Variants in ADGB observed in about 807,000 individuals in gnomAD.
The protein encoded by ADGB is calpain-7-like protein.
In ADGB, 172 loss-of-function variants were observed where a neutral mutation model predicts 210.5. The observed-to-expected ratio is 0.82, with a 90% confidence interval of 0.72 to 0.93. The LOEUF is 0.93. Ranked by LOEUF, ADGB falls within the 40% of genes least tolerant of loss-of-function variation. The pLI, the probability that ADGB is intolerant of heterozygous loss-of-function variation, is 0.00. For missense variants in ADGB, 2,025 were observed against 1,964.8 expected, an observed-to-expected ratio of 1.03 and a Z score of -0.58; for synonymous variants, 658 against 662.7, an observed-to-expected ratio of 0.99 and a Z score of 0.11.
rs1459660430 is a variant in ADGB, at chr6:146,784,630, C to A, written c.4048C>A (p.His1350Asn). ...PRFEPQISTV[H>N]PQQEDPNKPY... ...TTTATTTTATCAGATATCCACTGTT[C>A]ACCCTCAACAAGAAGACCCAAATAA... Residue 1350 changes from histidine to asparagine, a missense_variant, in exon 31 of 36, where the codon CAC becomes AAC. Transcript: ENST00000397944. 6.5e-6 allele frequency: 10 copies of A among 1,545,684 alleles called. No individual in the cohort carries two copies. Among genetic ancestry groups the A allele is most frequent in the African/African-American group, 5.5e-5 (4 of 72,734 alleles).
intron 1 of ADGB, among the ~76,000 whole-genome samples, chr6:146,614,211 T>TCCTTCCTC (rs1310592006): frequency 5.6e-5 from 2 of 35,936 alleles, no homozygotes; most frequent in African/African-American, 1.0e-4. Flanking sequence ...CTTCCTCCCT[T>TCCTTCCTC]CCTTCCTCCC....
At chr6:146,612,890 C>T (rs1455836013) in intron 1 of ADGB, among the ~76,000 whole-genome samples, 5 of 152,170 alleles carry the variant, frequency 3.3e-5, no homozygotes, top group Non-Finnish European at 7.4e-5. Flanking sequence ...CATTATTCCA[C>T]TTTTCTACTT....
chr6:146,745,635 A>G (rs1252630957), intron 25 of ADGB, among the ~76,000 whole-genome samples: 1 of 152,224 alleles, frequency 6.6e-6, no homozygotes, highest in African/African-American at 2.4e-5. Context: ...CATTAGAAGA[A>G]TTAGAAGAGG....
intron 33 of ADGB, among the ~76,000 whole-genome samples, chr6:146,789,251 C>T (rs1777921785): frequency 6.6e-6 from 1 of 152,174 alleles, no homozygotes; most frequent in Non-Finnish European, 1.5e-5. Context: ...CATGGAAGCA[C>T]TGCTTCTCTC....
In ADGB at chr6:146,691,171, C is replaced by G. The variant is rs1562275323; in HGVS notation, c.1367C>G (p.Pro456Arg). The G allele has an allele frequency of 6.5e-7, 1 of 1,549,734 alleles. No homozygotes were observed. The highest frequency in any genetic ancestry group is 2.5e-5 in the East Asian group (1 of 40,792). ...EYGLSHICSH[P>R]VLVTRSRSCP... is the part of the protein sequence containing the mutation. ...GGGCTTTCCCACATCTGTAGCCATCCTGTGCTGGTGACTAGAAGTAGGTCT... is the reference window on the plus strand; with the variant it reads ...GGGCTTTCCCACATCTGTAGCCATCGTGTGCTGGTGACTAGAAGTAGGTCT... The change falls in exon 11 of 36, where the codon CCT becomes CGT. Residue 456 changes from proline (P) to arginine (R), a missense_variant. By Grantham distance (103) the Pro-to-Arg change is moderately radical. Transcript: ENST00000397944.
chr6:146,728,512 T>C (rs1020765383), intron 19 of ADGB, 62 bp from the exon 20 acceptor site: 1 of 1,406,782 alleles, frequency 7.1e-7, no homozygotes, highest in Admixed American at 2.3e-5. Context: ...AGATATTAAT[T>C]TGTATAAACT....
chr6:146,690,972 C>A, intron 10 of ADGB, 144 bp from the exon 11 acceptor site: 1 of 488,006 alleles, frequency 2.0e-6, no homozygotes, highest in South Asian at 7.6e-5. Context: ...GATAATAATG[C>A]TTATATTAAG....
intron 13 of ADGB, among the ~76,000 whole-genome samples, chr6:146,710,303 T>C (rs1179003929): frequency 6.6e-6 from 1 of 152,012 alleles, no homozygotes; most frequent in Non-Finnish European, 1.5e-5. Context: ...TTGTGTATGA[T>C]ATAAAATGAT....
rs1181161752 is a variant in ADGB at position 146,772,730 on chromosome 6, T to G, written c.3862+3599T>G. Reference sequence around the variant, plus strand: ...GTATATTTTCTGTGATAACTAGAAATTTGGTTTCAGTACTTATATGTTGAG... The same window carrying G: ...GTATATTTTCTGTGATAACTAGAAAGTTGGTTTCAGTACTTATATGTTGAG... On this transcript the variant is annotated intron_variant, in intron 29 of 35. Coordinates refer to ENST00000397944, the MANE Select transcript of ADGB (RefSeq NM_024694.4). Among the ~76,000 whole-genome samples the G allele has an allele frequency of 4.0e-5, 6 of 151,062 alleles. No individual in the cohort carries two copies. In the East Asian group the frequency reaches 9.7e-4, roughly 24 times the overall value.
chr6:146,775,024 C>T (rs1211100859), intron 29 of ADGB, among the ~76,000 whole-genome samples: 3 of 152,134 alleles, frequency 2.0e-5, no homozygotes, highest in East Asian at 1.9e-4. Context: ...CCACTCATCT[C>T]GGCCTTCCCA....
intron 1 of ADGB, among the ~76,000 whole-genome samples, chr6:146,634,242 G>A (rs1330406721): frequency 6.6e-6 from 1 of 152,094 alleles, no homozygotes; most frequent in African/African-American, 2.4e-5. Context: ...TTTGTGTAGT[G>A]TGCTTACTAG....
At chr6:146,688,152 T>C (rs1776257956) in intron 10 of ADGB, among the ~76,000 whole-genome samples, 1 of 152,038 alleles carries the variant, frequency 6.6e-6, no homozygotes, top group African/African-American at 2.4e-5. Flanking sequence ...TAGAGTCTAA[T>C]GAGGAAGGCA....
At chr6:146,780,848 C>T (rs1216787333) in intron 29 of ADGB, among the ~76,000 whole-genome samples, 1 of 151,974 alleles carries the variant, frequency 6.6e-6, no homozygotes, top group African/African-American at 2.4e-5. Context: ...CCAACTTGAC[C>T]TAACATACCT....
At chr6:146,725,131 A>C (rs538503684) in intron 18 of ADGB, 1 of 152,288 alleles carries the variant, frequency 6.6e-6, no homozygotes, top group African/African-American at 2.4e-5. Context: ...CATTTCTCAC[A>C]TCTCCCCTTT....
intron 11 of ADGB, among the ~76,000 whole-genome samples, 152 bp downstream of exon 11, chr6:146,691,442 A>ATATATATATATATAT (rs1491360806): frequency 5.5e-5 from 3 of 55,018 alleles, no homozygotes; most frequent in African/African-American, 5.4e-4. Flanking sequence ...ATATATATAT[A>ATATATATATATATAT]AAAATATATA....
intron 23 of ADGB, among the ~76,000 whole-genome samples, chr6:146,737,690 T>C (rs1777099929): frequency 6.6e-6 from 1 of 152,198 alleles, no homozygotes; most frequent in Non-Finnish European, 1.5e-5. Flanking sequence ...ATTTTGGGGC[T>C]ACCAGGAGGA....
chr6:146,710,861 C>G (rs1776648598), intron 13 of ADGB, among the ~76,000 whole-genome samples: 1 of 152,094 alleles, frequency 6.6e-6, no homozygotes, highest in East Asian at 1.9e-4. Flanking sequence ...ATACATATCT[C>G]CATAATTCTA....
In ADGB at chr6:146,611,564, C is replaced by A. The variant is rs150229341; in HGVS notation, c.74+12450C>A. ...TGGACCACTCCATGCCTATTTATCT[C>A]ACTGCTTCCCCCAGTAGCTGCTCAG... On this transcript the variant is annotated intron_variant, in intron 1 of 35. Coordinates refer to ENST00000397944, the MANE Select transcript of ADGB (RefSeq NM_024694.4). 3.7e-3 allele frequency among the ~76,000 whole-genome samples: 559 copies of A among 152,288 alleles called. 7 individuals carry two copies. The East Asian group carries it at 0.05, about 14-fold the overall frequency.
At chr6:146,653,107 C>T (rs929066968) in intron 3 of ADGB, among the ~76,000 whole-genome samples, 13 of 151,966 alleles carry the variant, frequency 8.6e-5, no homozygotes, top group African/African-American at 2.7e-4. Context: ...CTGTGAACTG[C>T]GTGTGCATGT....
Sources: allele counts gnomAD v4.1 joint callset (sites outside exome capture counted in the v4.1 genomes callset), GRCh38; gene constraint gnomAD v4.1.1; transcripts MANE v1.5; gene names NCBI Gene and HGNC (gene_info 2026-07-23, HGNC 2026-07-21).